Variants in PHKA2 observed in about 807,000 individuals in gnomAD.
PHKA2 encodes the protein phosphorylase b kinase regulatory subunit alpha, liver isoform.
In PHKA2, 31 loss-of-function variants were observed where a neutral mutation model predicts 102.0. The ratio of observed to expected loss-of-function variants is 0.30; its 90% CI spans 0.23 to 0.41. PHKA2 has a LOEUF of 0.41. Among genes scored for constraint, PHKA2 ranks in the 10% least tolerant of loss-of-function variants. The pLI is 1.00. For missense variants in PHKA2, 858 were observed against 1,023.1 expected, an observed-to-expected ratio of 0.84 and a Z score of 2.20; for synonymous variants, 455 against 416.2, an observed-to-expected ratio of 1.09 and a Z score of -1.13.
intron 1 of PHKA2, among the ~76,000 whole-genome samples, chrX:18,970,580 CTT>C (rs759957474): frequency 2.7e-5 from 3 of 112,224 alleles, no homozygotes; most frequent in Admixed American, 1.9e-4. Context: ...TAATTTTCCT[CTT>C]TTATAAACAA....
chrX:18,948,546 A>C (rs2048624381), intron 5 of PHKA2, among the ~76,000 whole-genome samples, 198 bp downstream of exon 5: 1 of 112,541 alleles, frequency 8.9e-6, no homozygotes, highest in Non-Finnish European at 1.9e-5. Flanking sequence ...CACAGAGTAC[A>C]TTCCAAAAAC....
chrX:18,935,910 C>G (rs1311910296), intron 11 of PHKA2, 145 bp downstream of exon 11: 8 of 509,664 alleles, frequency 1.6e-5, no homozygotes, highest in Non-Finnish European at 2.8e-5. Flanking sequence ...GCCACCGCGC[C>G]CAGCCTACCT....
chrX:18,939,560 T>G (rs2048454746), intron 9 of PHKA2, among the ~76,000 whole-genome samples: 1 of 111,874 alleles, frequency 8.9e-6, no homozygotes, highest in Non-Finnish European at 1.9e-5. Context: ...GTGGCGCGAT[T>G]TCGGCTCAGT....
At position 18,951,084 on chromosome X, in the gene PHKA2, C is replaced by T. The variant is rs753938958; in HGVS notation, c.454+20G>A. The T allele has an allele frequency of 8.3e-7, 1 of 1,209,386 alleles. No homozygotes were observed. Among genetic ancestry groups the T allele is most frequent in the Admixed American group, 2.2e-5 (1 of 46,094 alleles). ...GGATTGTCACTCCTTATACAATGGG[C>T]TCCAGCAACCCCAGCTCACCTGAGG... On this transcript the variant is annotated intron_variant, in intron 4 of 32. Transcript: ENST00000379942.
intron 1 of PHKA2, among the ~76,000 whole-genome samples, chrX:18,966,332 T>TC (rs36092377): frequency 0.023 from 2,501 of 109,537 alleles, 77 homozygotes; most frequent in African/African-American, 0.079. Flanking sequence ...CCTCAAGTGA[T>TC]CCCCCCGCCT....
chrX:18,924,644 G>A lies in PHKA2; in HGVS notation c.1570-119C>T, dbSNP rs1015204625. 17 of 680,162 alleles carry A rather than the reference G, an allele frequency of 2.5e-5. No individual in the cohort carries two copies. In the African/African-American group the frequency reaches 2.5e-4, roughly 10 times the overall value. The allele number at this position is 680,162 out of a possible 1,213,427, so 56.1% of individuals were successfully genotyped here. Reference sequence around the variant, plus strand: ...TTGCCAGGCAAGAGGCTCAGTACTCGTTTCAATCCACCCAGTCATGGGGCT... The same window carrying A: ...TTGCCAGGCAAGAGGCTCAGTACTCATTTCAATCCACCCAGTCATGGGGCT... On this transcript the variant is annotated intron_variant, in intron 15 of 32. Coordinates refer to ENST00000379942, the MANE Select transcript of PHKA2 (RefSeq NM_000292.3).
Position 18,951,591 on chromosome X carries a change from G to A in PHKA2, c.286-319C>T, listed in dbSNP as rs773397523. ...AGGAGAGATGGAGGGAGGGAAGAAG[G>A]GAGAAAAGGAGGGGAGGAAAGGAAC... is the stretch of plus-strand genomic sequence containing the variant. On this transcript the variant is annotated intron_variant, in intron 3 of 32. Coordinates refer to ENST00000379942, the MANE Select transcript of PHKA2 (RefSeq NM_000292.3). Among the ~76,000 whole-genome samples the A allele has an allele frequency of 2.7e-5, 3 of 111,433 alleles. No individual in the cohort carries two copies. In the South Asian group the frequency reaches 1.1e-3, roughly 43 times the overall value.
chrX:18,934,546 C>T (rs1485627359), intron 11 of PHKA2, among the ~76,000 whole-genome samples: 2 of 111,997 alleles, frequency 1.8e-5, no homozygotes, highest in African/African-American at 6.5e-5. Flanking sequence ...AAACTGAATG[C>T]TTCCGGCAAT....
intron 6 of PHKA2, 146 bp downstream of exon 6, chrX:18,944,932 G>A (rs1033675271): frequency 1.9e-6 from 1 of 521,323 alleles, no homozygotes; most frequent in African/African-American, 2.3e-5. Context: ...CAGGTGGCTG[G>A]GGTAACTGTG....
At chrX:18,960,880 A>G (rs1748349452) in intron 1 of PHKA2, among the ~76,000 whole-genome samples, 1 of 112,786 alleles carries the variant, frequency 8.9e-6, no homozygotes, top group South Asian at 3.6e-4. Flanking sequence ...TGGACAGAAC[A>G]GAACAGAGTC....
rs909062578 is a variant in PHKA2, at chrX:18,894,222, C to G, written c.3519G>C (p.Gln1173His). ...CCCCCACCTGGTCCTGCAAGAACAG[C>G]TGACTGGCCATCTGCACGATCTGGT... Reference protein sequence around the residue: ...HVDQIVQMASQLFLQDQVSIG... With the variant: ...HVDQIVQMASHLFLQDQVSIG... Residue 1173 changes from glutamine (Q) to histidine (H), a missense_variant, in exon 32 of 33, where the codon CAG (glutamine) becomes CAC (histidine). Coordinates refer to ENST00000379942, the MANE Select transcript of PHKA2 (RefSeq NM_000292.3). 8.3e-7 allele frequency: 1 copy of G among 1,210,108 alleles called. No homozygotes were observed. Among genetic ancestry groups the G allele is most frequent in the East Asian group, 3.0e-5 (1 of 33,788 alleles).
At chrX:18,946,210 G>A (rs1335748340) in intron 5 of PHKA2, among the ~76,000 whole-genome samples, 1 of 111,276 alleles carries the variant, frequency 9.0e-6, no homozygotes, top group African/African-American at 3.3e-5. Context: ...TTACAGGTAT[G>A]AGCCACCGCG....
At chrX:18,950,163 C>T (rs1450159545) in intron 4 of PHKA2, among the ~76,000 whole-genome samples, 3 of 111,936 alleles carry the variant, frequency 2.7e-5, no homozygotes, top group East Asian at 2.8e-4. Context: ...GGCACACCGC[C>T]GACAAACTGT....
At chrX:18,961,486 T>C (rs1438884624) in intron 1 of PHKA2, among the ~76,000 whole-genome samples, 1 of 109,036 alleles carries the variant, frequency 9.2e-6, no homozygotes, top group African/African-American at 3.3e-5. Flanking sequence ...GGTGAAACCC[T>C]GTCTCTACTA....
intron 1 of PHKA2, among the ~76,000 whole-genome samples, chrX:18,961,183 A>C (rs2048864371): frequency 8.9e-6 from 1 of 112,222 alleles, no homozygotes; most frequent in South Asian, 3.7e-4. Flanking sequence ...TTACCACTCT[A>C]GCGCAAGGTC....
intron 28 of PHKA2, 31 bp downstream of exon 28, chrX:18,900,639 G>A: frequency 8.4e-7 from 1 of 1,185,838 alleles, no homozygotes; most frequent in African/African-American, 1.7e-5. Flanking sequence ...AGAACAGGAA[G>A]TAAAGGACGA....
intron 22 of PHKA2, among the ~76,000 whole-genome samples, chrX:18,907,609 G>GA (rs945863397): frequency 9.0e-6 from 1 of 111,423 alleles, no homozygotes; most frequent in Non-Finnish European, 1.9e-5. Flanking sequence ...GTGGATGTGT[G>GA]AAAAAAAGAG....
intron 31 of PHKA2, chrX:18,894,824 C>T (rs2047504485): frequency 7.4e-6 from 3 of 405,923 alleles, no homozygotes; most frequent in Non-Finnish European, 1.3e-5. Flanking sequence ...GAGAAGGCTG[C>T]CCATGGGGCA....
Position 18,908,054 on chromosome X carries a change from C to A in PHKA2, c.2363G>T (p.Gly788Val). ...DILYILYVIK[G>V]PSWDTNLSGQ... ...AGAGAGATTTGTGTCCCAGCTGGGA[C>A]CCCTGCCAAGAGGTAGAAAAACCCA... The change falls in exon 22 of 33, where the codon GGT (glycine) becomes GTT (valine). Residue 788 changes from glycine (G) to valine (V), a missense_variant and splice_region_variant. By Grantham distance (109) the Gly-to-Val change is moderately radical (BLOSUM62 -3). Transcript: ENST00000379942. 1 of 1,210,299 alleles carries A rather than the reference C, an allele frequency of 8.3e-7. No individual in the cohort carries two copies. Among genetic ancestry groups the A allele is most frequent in the Non-Finnish European group, 1.1e-6 (1 of 894,211 alleles).
Sources: gnomAD v4.1 joint callset for allele counts (sites outside exome capture counted in the v4.1 genomes callset) on GRCh38, gnomAD v4.1.1 for gene constraint, MANE v1.5 for transcripts, NCBI Gene and HGNC (gene_info 2026-07-23, HGNC 2026-07-21) for gene names.